The following NTM variants were observed in gnomAD, a reference collection of about 807,000 sequenced individuals.
NTM encodes IgLON family member 2.
A neutral mutation model predicts 42.1 loss-of-function variants in NTM; 13 were observed. That is an observed-to-expected ratio of 0.31 (90% CI 0.20 to 0.49). The LOEUF is 0.49. NTM is among the 20% of genes least tolerant of loss of function. The pLI, the probability that NTM is intolerant of heterozygous loss-of-function variation, is 0.99. For missense variants in NTM, 373 were observed against 452.8 expected (o/e 0.82, Z 1.60); for synonymous variants, 187 against 179.2 (o/e 1.04, Z -0.35).
intron 1 of NTM, among the ~76,000 whole-genome samples, chr11:131,388,888 TG>T (rs996568509): frequency 1.3e-5 from 2 of 151,222 alleles, no homozygotes; most frequent in African/African-American, 4.9e-5. Context: ...GGCACGTGCC[TG>T]TAATCCCAGC....
intron 2 of NTM, among the ~76,000 whole-genome samples, chr11:131,998,384 T>C (rs1185785238): frequency 1.3e-5 from 2 of 152,154 alleles, no homozygotes; most frequent in Non-Finnish European, 2.9e-5. Flanking sequence ...GGGGAAGGCT[T>C]CTAGCTCTGC....
chr11:131,865,316 G>T (rs1236559871), intron 1 of NTM, among the ~76,000 whole-genome samples: 6 of 152,186 alleles, frequency 3.9e-5, no homozygotes, highest in South Asian at 2.1e-4. Flanking sequence ...TATACAGTTT[G>T]CCAGGTAACA....
intron 1 of NTM, among the ~76,000 whole-genome samples, chr11:131,790,611 G>T (rs1227544891): frequency 6.6e-6 from 1 of 152,164 alleles, no homozygotes; most frequent in Non-Finnish European, 1.5e-5. Context: ...GGCAAATGTT[G>T]CAATGTCAAC....
At chr11:131,714,701 T>C (rs1460970488) in intron 1 of NTM, among the ~76,000 whole-genome samples, 2 of 152,096 alleles carry the variant, frequency 1.3e-5, no homozygotes, top group Non-Finnish European at 2.9e-5. Flanking sequence ...CTATTTGGAG[T>C]AGCACAGTGT....
At chr11:131,428,419 C>A (rs983312291) in intron 1 of NTM, among the ~76,000 whole-genome samples, 15 of 152,186 alleles carry the variant, frequency 9.9e-5, no homozygotes, top group Non-Finnish European at 5.9e-5. Flanking sequence ...CTACATATAT[C>A]TACTATGTGT....
intron 1 of NTM, among the ~76,000 whole-genome samples, chr11:131,766,409 G>A (rs1299152614): frequency 6.6e-6 from 1 of 152,166 alleles, no homozygotes; most frequent in East Asian, 1.9e-4. Flanking sequence ...AGAGGGCGAT[G>A]CGACAGAATG....
chr11:132,271,467 G>T, intron 4 of NTM, among the ~76,000 whole-genome samples: 1 of 152,130 alleles, frequency 6.6e-6, no homozygotes, highest in Non-Finnish European at 1.5e-5. Flanking sequence ...TTGAGGAACT[G>T]CCAGACTATT....
At chr11:132,304,009 G>A (rs996539194) in intron 4 of NTM, among the ~76,000 whole-genome samples, 5 of 152,182 alleles carry the variant, frequency 3.3e-5, no homozygotes, top group African/African-American at 1.2e-4. Flanking sequence ...CTAGAGGGTA[G>A]AGAATTGGTT....
chr11:131,818,806 T>C (rs965297362), intron 1 of NTM, among the ~76,000 whole-genome samples: 1 of 152,180 alleles, frequency 6.6e-6, no homozygotes, highest in South Asian at 2.1e-4. Context: ...TGGACTATAA[T>C]GGGAATTACG....
intron 1 of NTM, among the ~76,000 whole-genome samples, chr11:131,643,824 C>T (rs2065438105): frequency 6.6e-6 from 1 of 152,186 alleles, no homozygotes. Context: ...CTTGGACAAA[C>T]TCAGTACTGT....
At chr11:131,921,823 A>G (rs1020663246) in intron 2 of NTM, among the ~76,000 whole-genome samples, 2 of 152,194 alleles carry the variant, frequency 1.3e-5, no homozygotes, top group East Asian at 1.9e-4. Flanking sequence ...CTCAGAGGCC[A>G]TCAGCACAAA....
chr11:131,392,391 T>C (rs1254685934), intron 1 of NTM, among the ~76,000 whole-genome samples: 5 of 151,322 alleles, frequency 3.3e-5, no homozygotes, highest in Non-Finnish European at 1.5e-5. Flanking sequence ...GGGAGTCCTG[T>C]GTGCAACCAT....
chr11:132,020,467 G>T (rs915521431), intron 2 of NTM, among the ~76,000 whole-genome samples: 1 of 151,644 alleles, frequency 6.6e-6, no homozygotes, highest in Non-Finnish European at 1.5e-5. Context: ...ATATTATAGT[G>T]TACCATTTAA....
intron 2 of NTM, among the ~76,000 whole-genome samples, chr11:132,127,713 C>A (rs933188857): frequency 6.6e-6 from 1 of 152,342 alleles, no homozygotes; most frequent in Non-Finnish European, 1.5e-5. Context: ...ACAGTGTCTG[C>A]CACTCTGCTC....
At chr11:131,990,240 C>T (rs1024142976) in intron 2 of NTM, among the ~76,000 whole-genome samples, 52 of 152,100 alleles carry the variant, frequency 3.4e-4, no homozygotes, top group African/African-American at 1.2e-3. Flanking sequence ...TGACTTTCTT[C>T]CTAACCTCAA....
intron 2 of NTM, among the ~76,000 whole-genome samples, chr11:132,033,085 T>C (rs2076117907): frequency 6.6e-6 from 1 of 152,210 alleles, no homozygotes; most frequent in African/African-American, 2.4e-5. Context: ...CTGGGATTCA[T>C]AGTAATGTTG....
At chr11:131,707,711 A>G (rs1323025510) in intron 1 of NTM, among the ~76,000 whole-genome samples, 1 of 152,110 alleles carries the variant, frequency 6.6e-6, no homozygotes, top group African/African-American at 2.4e-5. Context: ...TTTGCTTTTG[A>G]CAAAATTCAA....
intron 1 of NTM, among the ~76,000 whole-genome samples, chr11:131,749,602 C>A (rs991997524): frequency 6.6e-6 from 1 of 151,886 alleles, no homozygotes; most frequent in Non-Finnish European, 1.5e-5. Context: ...TGTTTGTTTT[C>A]TTTTGTTTTG....
chr11:131,824,936 G>A (rs962590915), intron 1 of NTM, among the ~76,000 whole-genome samples: 3 of 152,210 alleles, frequency 2.0e-5, no homozygotes, highest in Non-Finnish European at 4.4e-5. Flanking sequence ...AAGGAACACG[G>A]CATGTACGTT....
Sources: allele counts gnomAD v4.1 joint callset (sites outside exome capture counted in the v4.1 genomes callset), GRCh38; gene constraint gnomAD v4.1.1; transcripts MANE v1.5; gene names NCBI Gene and HGNC (gene_info 2026-07-23, HGNC 2026-07-21).